The following BFSP1 variants were observed in gnomAD, a reference collection of about 807,000 sequenced individuals.
BFSP1 encodes the protein filensin.
BFSP1 carries 38 observed loss-of-function variants against 43.9 expected under a neutral mutation model. That is an observed-to-expected ratio of 0.87 (90% CI 0.67 to 1.14). BFSP1 has a LOEUF of 1.14. BFSP1 is among the 50% of genes most tolerant of loss of function. The pLI is 0.00. For missense variants in BFSP1, 850 were observed against 875.1 expected, an observed-to-expected ratio of 0.97 and a Z score of 0.36; for synonymous variants, 352 against 354.8, an observed-to-expected ratio of 0.99 and a Z score of 0.09.
At chr20:17,532,717 T>C (rs1460256010), upstream of BFSP1, among the ~76,000 whole-genome samples, 3 of 151,892 alleles carry the variant, frequency 2.0e-5, no homozygotes, top group Non-Finnish European at 4.4e-5. Context: ...AATTTAAAAG[T>C]AAATTTAAGA....
Position 17,520,704 on chromosome 20 carries a change from T to C in BFSP1, c.438+4144A>G, listed in dbSNP as rs369390282. Among the ~76,000 whole-genome samples the C allele has an allele frequency of 2.0e-4, 30 of 152,234 alleles. No homozygotes were observed. The South Asian group carries it at 6.0e-3, about 31-fold the overall frequency. ...CATCCTGACTCTTCCTCCACTCCTC[T>C]TGCCTCTCCACCCCCAGACTCCTCC... On this transcript the variant is annotated intron_variant, in intron 2 of 7. Coordinates refer to ENST00000377873, the MANE Select transcript of BFSP1 (RefSeq NM_001195.5).
chr20:17,502,959 T>C (rs760387207), intron 5 of BFSP1, among the ~76,000 whole-genome samples: 3 of 152,018 alleles, frequency 2.0e-5, no homozygotes, highest in Non-Finnish European at 4.4e-5. Context: ...TGTGGGGCTG[T>C]AGAGAACATA....
intron 5 of BFSP1, among the ~76,000 whole-genome samples, chr20:17,506,237 C>T (rs1229872195): frequency 2.0e-5 from 3 of 152,176 alleles, no homozygotes; most frequent in Non-Finnish European, 4.4e-5. Flanking sequence ...GAAGCAAATT[C>T]TCCCCTAACA....
chr20:17,540,794 C>T (rs1328520302), intron 1 of BFSP1, among the ~76,000 whole-genome samples: 1 of 152,162 alleles, frequency 6.6e-6, no homozygotes, highest in East Asian at 1.9e-4. Flanking sequence ...TCCCTTCCTG[C>T]TTCCCTTCTG....
chr20:17,517,375 T>C (rs948544602), intron 2 of BFSP1: 10 of 907,792 alleles, frequency 1.1e-5, no homozygotes, highest in Non-Finnish European at 1.8e-5. Flanking sequence ...AACAAAATCA[T>C]TTCCTTTTGC....
rs200336392 is a variant in BFSP1 at position 17,527,736 on chromosome 20, TAATAA to T, written c.378-2833_378-2829del. 0.026 allele frequency among the ~76,000 whole-genome samples: 3,343 copies of T among 130,232 alleles called. 292 individuals carry two copies. In the East Asian group the frequency reaches 0.27, roughly 11 times the overall value. 85.4% of individuals were successfully genotyped at this position (130,232 alleles called of 152,430 possible). A position where few individuals can be genotyped will look rare whatever the true frequency, so the allele number is the denominator to read the frequency against. Reference sequence around the variant, plus strand: ...GAGCGAGACTCTGTATCAAAAAAAATAATAAAATAAAATAAGAGAGAGAGAGAGAG... The same window carrying T: ...GAGCGAGACTCTGTATCAAAAAAAATAATAAAATAAGAGAGAGAGAGAGAG... On this transcript the variant is annotated intron_variant, in intron 1 of 7. Coordinates refer to ENST00000377873, the MANE Select transcript of BFSP1 (RefSeq NM_001195.5).
In BFSP1 at chr20:17,498,855, G is replaced by A; in HGVS notation, c.921C>T (p.Asp307=). ...VAQQTLKNEL[D]RYHRIIEIEG... is the part of the protein sequence containing the mutation. ...CAATCTCGATGATACGATGATACCG[G>A]TCCAGCTCATTCTTCAGGGTTTGCT... Residue 307 remains aspartate, a synonymous_variant, in exon 6 of 8, where the codon GAC becomes GAT. Coordinates refer to ENST00000377873, the MANE Select transcript of BFSP1 (RefSeq NM_001195.5). 6.2e-7 allele frequency: 1 copy of A among 1,613,492 alleles called. No homozygotes were observed. Among genetic ancestry groups the A allele is most frequent in the Non-Finnish European group, 8.5e-7 (1 of 1,180,022 alleles).
chr20:17,509,461 G>T (rs1225349874), intron 4 of BFSP1, among the ~76,000 whole-genome samples: 1 of 152,196 alleles, frequency 6.6e-6, no homozygotes, highest in Non-Finnish European at 1.5e-5. Context: ...CAGGCCCACA[G>T]CACAGCCATC....
chr20:17,542,781 AT>A, intron 1 of BFSP1, among the ~76,000 whole-genome samples: 1 of 152,356 alleles, frequency 6.6e-6, no homozygotes, highest in East Asian at 1.9e-4. Flanking sequence ...GTTTTAAAAA[AT>A]TAGACTAGAA....
chr20:17,542,604 G>GA (rs371963946), intron 1 of BFSP1, among the ~76,000 whole-genome samples: 6 of 146,152 alleles, frequency 4.1e-5, no homozygotes, highest in African/African-American at 5.0e-5. Context: ...ATCTTAAAAA[G>GA]AAAAAAAAAA....
intron 2 of BFSP1, among the ~76,000 whole-genome samples, chr20:17,523,682 TC>T (rs1450905524): frequency 6.7e-6 from 1 of 149,844 alleles, no homozygotes; most frequent in Non-Finnish European, 1.5e-5. Context: ...GTCCTGAGAG[TC>T]CCAGCCTGCA....
At chr20:17,528,198 A>G (rs2034461918) in intron 1 of BFSP1, among the ~76,000 whole-genome samples, 1 of 152,246 alleles carries the variant, frequency 6.6e-6, no homozygotes, top group Non-Finnish European at 1.5e-5. Context: ...TCCCACTACC[A>G]CAATCCAAAT....
chr20:17,567,537 G>A (rs1014235062), intron 1 of BFSP1, among the ~76,000 whole-genome samples: 1 of 152,110 alleles, frequency 6.6e-6, no homozygotes, highest in African/African-American at 2.4e-5. Context: ...AGTTTAACAA[G>A]GATCTCAGGT....
At chr20:17,553,644 G>GT (rs2034930466) in intron 1 of BFSP1, among the ~76,000 whole-genome samples, 1 of 151,664 alleles carries the variant, frequency 6.6e-6, no homozygotes, top group Non-Finnish European at 1.5e-5. Flanking sequence ...AGGATAGACA[G>GT]TGGAGGCAAG....
At chr20:17,546,643 T>C (rs1259080346) in intron 1 of BFSP1, among the ~76,000 whole-genome samples, 2 of 149,292 alleles carry the variant, frequency 1.3e-5, no homozygotes, top group Non-Finnish European at 3.0e-5. Flanking sequence ...TGGAGGTTGC[T>C]GTGAGCCAAG....
At chr20:17,506,910 G>A (rs2033951050) in intron 5 of BFSP1, 1 of 152,104 alleles carries the variant, frequency 6.6e-6, no homozygotes, top group African/African-American at 2.4e-5. Context: ...TGCCACGGGT[G>A]GGAGTGGAGG....
rs1015919822 is a variant in BFSP1, at chr20:17,531,365, C to A, written c.-36G>T. ...GCGCGGGCGCGCGGGCGGCGCCGAGCCGGCTCTCCAGGAGGCCCCCGGCGC... is the reference window on the plus strand; with the variant it reads ...GCGCGGGCGCGCGGGCGGCGCCGAGACGGCTCTCCAGGAGGCCCCCGGCGC... On this transcript the variant is annotated 5_prime_UTR_variant, in exon 1 of 8. Coordinates refer to ENST00000377873, the MANE Select transcript of BFSP1 (RefSeq NM_001195.5). 2.3e-6 allele frequency: 3 copies of A among 1,332,140 alleles called. No homozygotes were observed. The highest frequency in any genetic ancestry group is 2.9e-6 in the Non-Finnish European group (3 of 1,046,790). 82.5% of individuals were successfully genotyped at this position (1,332,140 alleles called of 1,614,324 possible). A position where few individuals can be genotyped will look rare whatever the true frequency, so the allele number is the denominator to read the frequency against.
chr20:17,532,643 A>C (rs1448807644), upstream of BFSP1, among the ~76,000 whole-genome samples: 3 of 151,796 alleles, frequency 2.0e-5, no homozygotes, highest in East Asian at 3.9e-4. Flanking sequence ...TATGGAACTA[A>C]TAGTTGGATT....
At chr20:17,564,934 CTT>C (rs59967108) in intron 1 of BFSP1, among the ~76,000 whole-genome samples, 12 of 142,682 alleles carry the variant, frequency 8.4e-5, no homozygotes, top group Admixed American at 7.1e-5. Context: ...ACCCATGTAA[CTT>C]TTTTTTTTTT....
Sources: allele counts gnomAD v4.1 joint callset (sites outside exome capture counted in the v4.1 genomes callset), GRCh38; gene constraint gnomAD v4.1.1; transcripts MANE v1.5; gene names NCBI Gene and HGNC (gene_info 2026-07-23, HGNC 2026-07-21).